SMG7: variants seen among roughly 807,000 people sequenced by gnomAD.
SMG7 encodes nonsense-mediated mRNA decay factor SMG7.
Under a neutral mutation model 148.2 loss-of-function variants are expected in SMG7, and 34 were observed. The observed-to-expected ratio is 0.23, with a 90% CI of 0.17 to 0.31. SMG7 has a LOEUF of 0.31. SMG7 is among the 10% of genes least tolerant of loss of function. The probability of loss-of-function intolerance (pLI) is 1.00; values close to 1 mark genes in which losing one functional copy is unlikely to be tolerated. For synonymous variants in SMG7, 492 were observed against 515.1 expected (o/e 0.96, Z 0.61); for missense variants, 1,114 against 1,408.4 (o/e 0.79, Z 3.35).
chr1:183,538,167 G>A (rs1668133906), intron 11 of SMG7, among the ~76,000 whole-genome samples: 1 of 152,142 alleles, frequency 6.6e-6, no homozygotes, highest in Non-Finnish European at 1.5e-5. Flanking sequence ...TGAGTATTAG[G>A]TGAGTGTTAG....
At chr1:183,488,922 G>C (rs1035933676) in intron 1 of SMG7, among the ~76,000 whole-genome samples, 9 of 152,128 alleles carry the variant, frequency 5.9e-5, no homozygotes, top group Admixed American at 1.3e-4. Context: ...GACCTTAGGT[G>C]ATCCACCCGC....
intron 4 of SMG7, among the ~76,000 whole-genome samples, chr1:183,522,551 C>T (rs778646487): frequency 2.0e-5 from 3 of 151,818 alleles, no homozygotes; most frequent in Non-Finnish European, 2.9e-5. Flanking sequence ...TTTAACATAT[C>T]TGAAATAGAG....
intron 3 of SMG7, among the ~76,000 whole-genome samples, chr1:183,516,831 T>C (rs1663662988): frequency 6.6e-6 from 1 of 152,212 alleles, no homozygotes; most frequent in African/African-American, 2.4e-5. Context: ...AGGGAAGTGA[T>C]TGTCCTCCTA....
At chr1:183,509,615 CTAA>C (rs1314482900) in intron 1 of SMG7, among the ~76,000 whole-genome samples, 1 of 152,008 alleles carries the variant, frequency 6.6e-6, no homozygotes, top group Non-Finnish European at 1.5e-5. Flanking sequence ...AAAAAGAAAG[CTAA>C]TAATTGTCAT....
intron 1 of SMG7, among the ~76,000 whole-genome samples, chr1:183,500,522 T>A (rs1659487217): frequency 6.6e-6 from 1 of 152,226 alleles, no homozygotes. Flanking sequence ...GAGCAACTTG[T>A]ATGCTGTGCA....
At chr1:183,481,661 T>C (rs1654150111) in intron 1 of SMG7, among the ~76,000 whole-genome samples, 1 of 152,134 alleles carries the variant, frequency 6.6e-6, no homozygotes, top group African/African-American at 2.4e-5. Context: ...GGATAGTGGC[T>C]CCTGAGGGAG....
chr1:183,533,567 TA>T, intron 9 of SMG7, 108 bp from the exon 10 acceptor site: 1 of 1,000,958 alleles, frequency 1.0e-6, no homozygotes, highest in Non-Finnish European at 1.5e-6. Flanking sequence ...AAAGAAGCTG[TA>T]AGATACTCAA....
At chr1:183,484,526 A>C (rs1654959235) in intron 1 of SMG7, among the ~76,000 whole-genome samples, 1 of 151,926 alleles carries the variant, frequency 6.6e-6, no homozygotes, top group Admixed American at 6.6e-5. Context: ...TATTTTTGGC[A>C]GCTGATTTGA....
At chr1:183,502,406 A>T in intron 1 of SMG7, 2 of 1,526,558 alleles carry the variant, frequency 1.3e-6, no homozygotes, top group Non-Finnish European at 1.8e-6. Flanking sequence ...GATGAAAATT[A>T]CAAGGGATTT....
chr1:183,550,672 A>C, intron 20 of SMG7, 79 bp from the exon 21 acceptor site: 1 of 1,377,980 alleles, frequency 7.3e-7, no homozygotes, highest in Admixed American at 1.8e-5. Context: ...TTTAGTGATC[A>C]GATCTACAGG....
chr1:183,540,560 A>G (rs1668638321), intron 12 of SMG7, among the ~76,000 whole-genome samples: 2 of 152,132 alleles, frequency 1.3e-5, no homozygotes, highest in South Asian at 4.1e-4. Flanking sequence ...TCCACCACAA[A>G]GTGGATAGAT....
At chr1:183,518,376 G>A (rs972009576) in intron 4 of SMG7, among the ~76,000 whole-genome samples, 2 of 152,178 alleles carry the variant, frequency 1.3e-5, no homozygotes, top group South Asian at 2.1e-4. Context: ...TGAGCACAAA[G>A]CCTTAGTGAA....
chr1:183,533,497 AC>A (rs1667218131), intron 9 of SMG7, among the ~76,000 whole-genome samples, 171 bp downstream of exon 9: 1 of 152,172 alleles, frequency 6.6e-6, no homozygotes, highest in Non-Finnish European at 1.5e-5. Flanking sequence ...ATCTGCTGAT[AC>A]CCCCTCATCA....
chr1:183,521,379 C>T (rs574396289), intron 4 of SMG7, among the ~76,000 whole-genome samples: 30 of 152,262 alleles, frequency 2.0e-4, no homozygotes, highest in African/African-American at 7.0e-4. Flanking sequence ...GGATTACAGG[C>T]GTGAGCCACT....
chr1:183,542,941 G>T (rs1011456825), intron 14 of SMG7, among the ~76,000 whole-genome samples: 2 of 71,622 alleles, frequency 2.8e-5, no homozygotes, highest in South Asian at 1.2e-3. Context: ...GTGTGTGTGT[G>T]TGTGTGTGTG....
At chr1:183,551,427 TTTCA>T (rs1671035992) in intron 22 of SMG7, among the ~76,000 whole-genome samples, 1 of 152,228 alleles carries the variant, frequency 6.6e-6, no homozygotes, top group Non-Finnish European at 1.5e-5. Flanking sequence ...AAGGTTTTAG[TTTCA>T]TTCTAAGGTT....
At position 183,517,689 on chromosome 1, in the gene SMG7, T is replaced by C; in HGVS notation, c.181T>C (p.Trp61Arg). Residue 61 changes from tryptophan (W) to arginine (R), a missense_variant and splice_region_variant, in exon 4 of 23, where the codon TGG (tryptophan) becomes CGG (arginine). Physicochemically the swap from Trp to Arg is moderately radical, Grantham distance 101. Around this residue, in one of 4 missense-constraint regions of SMG7, gnomAD observed 216 missense variants for 329.1 expected, o/e 0.66. Transcript: ENST00000688051. ...ALDKKVEQDLWNHAFKNQITT... is the reference protein window; with the variant it reads ...ALDKKVEQDLRNHAFKNQITT... ...AATAGAATTACATTTTGTTTTCAGC[T>C]GGAATCACGCCTTTAAGAATCAGAT... 6.2e-7 allele frequency: 1 copy of C among 1,614,074 alleles called. No individual in the cohort carries two copies. The highest frequency in any genetic ancestry group is 2.2e-5 in the East Asian group (1 of 44,876).
chr1:183,505,956 T>A (rs1374227315), intron 1 of SMG7, among the ~76,000 whole-genome samples: 1 of 152,270 alleles, frequency 6.6e-6, no homozygotes, highest in Non-Finnish European at 1.5e-5. Context: ...CTTTAAATTC[T>A]GCACTGGTTT....
In SMG7 at chr1:183,529,058, T is replaced by A; in HGVS notation, c.707+16T>A. The A allele has an allele frequency of 6.3e-7, 1 of 1,581,650 alleles. No homozygotes were observed. Among genetic ancestry groups the A allele is most frequent in the East Asian group, 2.2e-5 (1 of 44,628 alleles). On this transcript the variant is annotated intron_variant, in intron 7 of 22. Transcript: ENST00000688051. ...CACTGGAAAGGTAGGGTTGTTTGGT[T>A]TTTTTTTTCTCTTTCCAAGAGGACT... is the stretch of plus-strand genomic sequence containing the variant.
Sources: gnomAD v4.1 joint callset for allele counts (sites outside exome capture counted in the v4.1 genomes callset) on GRCh38, gnomAD v4.1.1 for gene constraint, gnomAD v4.1.1 regional missense constraint, MANE v1.5 for transcripts, NCBI Gene and HGNC (gene_info 2026-07-23, HGNC 2026-07-21) for gene names.